IQSEC1: variants seen among roughly 807,000 people sequenced by gnomAD.
IQSEC1 encodes the protein IQ motif and SEC7 domain-containing protein 1.
IQSEC1 carries 31 observed loss-of-function variants against 91.0 expected under a neutral mutation model. That is an observed-to-expected ratio of 0.34 (90% CI 0.26 to 0.46). The LOEUF is 0.46. Among genes scored for constraint, IQSEC1 ranks in the 20% least tolerant of loss-of-function variants. IQSEC1 has a pLI of 1.00. For synonymous variants in IQSEC1, 699 were observed against 662.6 expected (o/e 1.05, Z -0.84); for missense variants, 1,388 against 1,575.6 (o/e 0.88, Z 2.02).
chr3:13,032,709 G>A (rs184631500), intron 1 of IQSEC1, among the ~76,000 whole-genome samples: 1,812 of 151,714 alleles, frequency 0.012, 37 homozygotes, highest in Admixed American at 0.065. Flanking sequence ...TCAGCCTCCC[G>A]AGTAGCTGGG....
At chr3:12,973,415 C>T (rs1164581984) in intron 1 of IQSEC1, among the ~76,000 whole-genome samples, 1 of 152,208 alleles carries the variant, frequency 6.6e-6, no homozygotes, top group Admixed American at 6.5e-5. Flanking sequence ...ATCCCTCTAC[C>T]CCCAGGCAGA....
intron 8 of IQSEC1, among the ~76,000 whole-genome samples, chr3:12,914,511 A>G (rs1282635285): frequency 6.6e-6 from 1 of 151,836 alleles, no homozygotes; most frequent in African/African-American, 2.4e-5. Context: ...TATGAAGGAG[A>G]GAGGATGGGA....
intron 1 of IQSEC1, among the ~76,000 whole-genome samples, chr3:12,978,421 G>A (rs1057267414): frequency 2.6e-5 from 4 of 152,300 alleles, no homozygotes; most frequent in Non-Finnish European, 4.4e-5. Context: ...GCACAGGGCC[G>A]GGCGCGGTGG....
intron 2 of IQSEC1, among the ~76,000 whole-genome samples, chr3:13,094,170 G>T (rs997096369): frequency 2.6e-5 from 4 of 152,184 alleles, no homozygotes; most frequent in African/African-American, 9.7e-5. Flanking sequence ...ATGGTAGCAG[G>T]TGGCACCTCG....
At chr3:13,083,883 T>A (rs1705692173) in intron 2 of IQSEC1, among the ~76,000 whole-genome samples, 1 of 152,254 alleles carries the variant, frequency 6.6e-6, no homozygotes, top group African/African-American at 2.4e-5. Flanking sequence ...GTTGAGTGAA[T>A]ATCTCTCGGT....
intron 1 of IQSEC1, among the ~76,000 whole-genome samples, chr3:12,949,712 C>G (rs1437583377): frequency 6.6e-6 from 1 of 152,160 alleles, no homozygotes; most frequent in African/African-American, 2.4e-5. Flanking sequence ...GGGCTATCTT[C>G]ACCTCTATGC....
intron 3 of IQSEC1, among the ~76,000 whole-genome samples, chr3:12,932,144 T>C (rs1697733379): frequency 6.6e-6 from 1 of 152,140 alleles, no homozygotes. Flanking sequence ...TGACGGTGTG[T>C]ACCAGGTACA....
At chr3:13,028,741 G>A (rs1047323301) in intron 1 of IQSEC1, among the ~76,000 whole-genome samples, 3 of 152,218 alleles carry the variant, frequency 2.0e-5, no homozygotes, top group Non-Finnish European at 2.9e-5. Context: ...ATCAGGGTTT[G>A]TGCTCAGATC....
intron 1 of IQSEC1, among the ~76,000 whole-genome samples, chr3:13,057,595 T>C (rs1217308776): frequency 6.6e-6 from 1 of 152,188 alleles, no homozygotes; most frequent in Non-Finnish European, 1.5e-5. Flanking sequence ...GCCCTGGTCT[T>C]AGGTGGCCGA....
At chr3:13,089,073 G>A (rs1237299850) in intron 2 of IQSEC1, among the ~76,000 whole-genome samples, 1 of 152,220 alleles carries the variant, frequency 6.6e-6, no homozygotes, top group Non-Finnish European at 1.5e-5. Context: ...CATATGCCCT[G>A]ACTTGGCCTG....
chr3:13,109,821 C>G (rs1300739314), intron 2 of IQSEC1, among the ~76,000 whole-genome samples: 1 of 150,830 alleles, frequency 6.6e-6, no homozygotes, highest in African/African-American at 2.4e-5. Context: ...ATTACCCAGT[C>G]TCAGGAATTT....
At chr3:13,217,425 C>A (rs1694571615) in intron 1 of IQSEC1, among the ~76,000 whole-genome samples, 1 of 152,192 alleles carries the variant, frequency 6.6e-6, no homozygotes, top group Non-Finnish European at 1.5e-5. Flanking sequence ...GGTGCACCAG[C>A]AGATCGTTCC....
At chr3:13,129,818 C>T (rs1324964140) in intron 2 of IQSEC1, among the ~76,000 whole-genome samples, 5 of 151,780 alleles carry the variant, frequency 3.3e-5, no homozygotes, top group Admixed American at 6.6e-5. Context: ...ACACCACGCC[C>T]GGCTAGTTTT....
intron 1 of IQSEC1, among the ~76,000 whole-genome samples, chr3:13,250,969 C>T (rs1695184980): frequency 6.6e-6 from 1 of 152,214 alleles, no homozygotes; most frequent in Non-Finnish European, 1.5e-5. Context: ...CCAGAAGAGG[C>T]TCCCTGCCGG....
chr3:13,249,516 A>T (rs1695159871), intron 1 of IQSEC1, among the ~76,000 whole-genome samples: 1 of 151,802 alleles, frequency 6.6e-6, no homozygotes, highest in Non-Finnish European at 1.5e-5. Flanking sequence ...CACTGAAGAG[A>T]GTTTATTCTA....
At chr3:12,957,822 C>T (rs1700008823) in intron 1 of IQSEC1, among the ~76,000 whole-genome samples, 1 of 152,260 alleles carries the variant, frequency 6.6e-6, no homozygotes, top group African/African-American at 2.4e-5. Context: ...CCACTATCAA[C>T]ATCCACACTA....
At chr3:13,150,538 C>T (rs1706978082) in intron 2 of IQSEC1, among the ~76,000 whole-genome samples, 1 of 152,192 alleles carries the variant, frequency 6.6e-6, no homozygotes, top group South Asian at 2.1e-4. Flanking sequence ...GGAGACAGCA[C>T]ACCACATTTC....
chr3:13,180,998 G>A (rs534409564), intron 1 of IQSEC1, among the ~76,000 whole-genome samples: 4 of 152,316 alleles, frequency 2.6e-5, no homozygotes, highest in East Asian at 1.9e-4. Flanking sequence ...CAGGCTGGGC[G>A]CGGTGGCTCA....
At chr3:13,077,679 C>T (rs1705584186), upstream of IQSEC1, among the ~76,000 whole-genome samples, 1 of 152,232 alleles carries the variant, frequency 6.6e-6, no homozygotes, top group African/African-American at 2.4e-5. Flanking sequence ...AGCCCCACCC[C>T]TCACGTGCAG....
Sources: allele counts gnomAD v4.1 joint callset (sites outside exome capture counted in the v4.1 genomes callset), GRCh38; gene constraint gnomAD v4.1.1; transcripts MANE v1.5; gene names NCBI Gene and HGNC (gene_info 2026-07-23, HGNC 2026-07-21).